Variants in SLC30A8 observed in about 807,000 individuals in gnomAD.
The protein encoded by SLC30A8 is solute carrier family 30 member 8.
In SLC30A8, 27 loss-of-function variants were observed where a neutral mutation model predicts 36.9. That is an observed-to-expected ratio of 0.73 (90% confidence interval 0.54 to 1.01). The LOEUF is 1.01. Among genes scored for constraint, SLC30A8 ranks in the 50% least tolerant of loss-of-function variants. SLC30A8 has a pLI of 0.00. For synonymous variants in SLC30A8, 164 were observed against 172.4 expected, an observed-to-expected ratio of 0.95 and a Z score of 0.38; for missense variants, 439 against 452.0, an observed-to-expected ratio of 0.97 and a Z score of 0.26.
intron 2 of SLC30A8, among the ~76,000 whole-genome samples, chr8:117,075,956 G>A (rs1212936170): frequency 6.6e-6 from 1 of 152,110 alleles, no homozygotes; most frequent in African/African-American, 2.4e-5. Context: ...ATGGGTTTGT[G>A]TCTCCGTGTA....
At chr8:117,024,224 T>C (rs915704936) in intron 1 of SLC30A8, among the ~76,000 whole-genome samples, 2 of 152,230 alleles carry the variant, frequency 1.3e-5, no homozygotes, top group African/African-American at 4.8e-5. Context: ...AAAAACAAAT[T>C]GTGTTTTCTA....
At position 116,967,491 on chromosome 8, in the gene SLC30A8, C is replaced by G. The variant is rs544956508; in HGVS notation, c.-266+16372C>G. 3.9e-5 allele frequency among the ~76,000 whole-genome samples: 6 copies of G among 152,272 alleles called. 1 individual carries two copies. The South Asian group carries it at 1.2e-3, about 32-fold the overall frequency. ...ACAAGAGTGTGATGCTGCCTGATTTCTATACTGATTATGCTACATTTTACC... is the reference window on the plus strand; with the variant it reads ...ACAAGAGTGTGATGCTGCCTGATTTGTATACTGATTATGCTACATTTTACC... On this transcript the variant is annotated intron_variant, in intron 1 of 10. Coordinates refer to the SLC30A8 transcript ENST00000427715.
chr8:117,151,338 C>CA, intron 2 of SLC30A8, among the ~76,000 whole-genome samples: 1 of 152,252 alleles, frequency 6.6e-6, no homozygotes, highest in South Asian at 2.1e-4. Flanking sequence ...ATCCCTGGTA[C>CA]CATGCACAGT....
intron 1 of SLC30A8, 75 bp from the exon 2 acceptor site, chr8:117,146,879 T>C: frequency 6.3e-7 from 1 of 1,592,254 alleles, no homozygotes; most frequent in South Asian, 1.1e-5. Context: ...CGGTTCCAAG[T>C]ATGGGCAGGG....
chr8:117,112,055 A>AGG (rs1820249978), intron 2 of SLC30A8, among the ~76,000 whole-genome samples: 3 of 152,258 alleles, frequency 2.0e-5, no homozygotes, highest in Non-Finnish European at 4.4e-5. Context: ...TCTGTAAAAA[A>AGG]GAGGATGACA....
At chr8:116,983,751 A>G (rs899203108) in intron 1 of SLC30A8, among the ~76,000 whole-genome samples, 2 of 152,016 alleles carry the variant, frequency 1.3e-5, no homozygotes, top group Non-Finnish European at 2.9e-5. Flanking sequence ...TCATTCACCT[A>G]GTTTGTTTTA....
chr8:117,166,742 A>AT (rs1053750097), intron 6 of SLC30A8, among the ~76,000 whole-genome samples: 112 of 150,224 alleles, frequency 7.5e-4, no homozygotes, highest in African/African-American at 2.6e-3. Context: ...CATCCAGATG[A>AT]TTGAAATATC....
chr8:117,017,535 A>G (rs1816558553), intron 1 of SLC30A8, among the ~76,000 whole-genome samples: 1 of 152,220 alleles, frequency 6.6e-6, no homozygotes, highest in Non-Finnish European at 1.5e-5. Context: ...ACCAGCCAAC[A>G]CCAAAGTCAA....
chr8:117,146,547 G>A (rs1010358594), intron 1 of SLC30A8, among the ~76,000 whole-genome samples: 1 of 152,130 alleles, frequency 6.6e-6, no homozygotes, highest in East Asian at 1.9e-4. Context: ...TGAATCCTCA[G>A]TCTGGCTCTT....
At chr8:117,063,530 T>C (rs1818080717) in intron 2 of SLC30A8, among the ~76,000 whole-genome samples, 1 of 152,228 alleles carries the variant, frequency 6.6e-6, no homozygotes, top group Non-Finnish European at 1.5e-5. Context: ...GCACTGACCA[T>C]TCTTTGATGC....
At chr8:117,136,702 C>T (rs1411807159) in intron 1 of SLC30A8, among the ~76,000 whole-genome samples, 4 of 151,850 alleles carry the variant, frequency 2.6e-5, no homozygotes, top group Admixed American at 2.0e-4. Context: ...AAGTTTTGGA[C>T]AAAAAATTGT....
At chr8:117,024,631 A>G (rs1244606290) in intron 1 of SLC30A8, among the ~76,000 whole-genome samples, 1 of 152,232 alleles carries the variant, frequency 6.6e-6, no homozygotes, top group Admixed American at 6.5e-5. Context: ...ACACAAAAGC[A>G]TATACCAATA....
chr8:117,063,788 G>A (rs182157891), intron 2 of SLC30A8, among the ~76,000 whole-genome samples: 1 of 152,234 alleles, frequency 6.6e-6, no homozygotes, highest in African/African-American at 2.4e-5. Flanking sequence ...ATGAGAGTAA[G>A]GGAAAATAGG....
intron 1 of SLC30A8, among the ~76,000 whole-genome samples, chr8:116,985,568 C>T (rs764426941): frequency 5.9e-5 from 9 of 152,066 alleles, no homozygotes; most frequent in Non-Finnish European, 1.2e-4. Context: ...AATTCTCAGA[C>T]ATGAAATTCT....
intron 6 of SLC30A8, among the ~76,000 whole-genome samples, chr8:117,165,444 C>T (rs1192096518): frequency 6.6e-6 from 1 of 152,178 alleles, no homozygotes; most frequent in Non-Finnish European, 1.5e-5. Flanking sequence ...TAGAACCAGT[C>T]AATCATAGAT....
chr8:116,955,819 G>C (rs1284308240), intron 1 of SLC30A8, among the ~76,000 whole-genome samples: 3 of 152,172 alleles, frequency 2.0e-5, no homozygotes, highest in Non-Finnish European at 4.4e-5. Context: ...GGGACAGACA[G>C]ATTCTCCCTC....
At position 117,176,282 on chromosome 8, in the gene SLC30A8, C is replaced by T. The variant is rs1823680507; in HGVS notation, c.*3601C>T. 6.6e-6 allele frequency: 1 copy of T among 152,490 alleles called. No homozygotes were observed. The highest frequency in any genetic ancestry group is 1.5e-5 in the Non-Finnish European group (1 of 67,984). 9.4% of individuals were successfully genotyped at this position (152,490 alleles called of 1,614,324 possible). ...ATTCCTGGAGAATGTTGCTCTCCAGCTCCATCCCCACCCAATGAAATATGA... is the reference window on the plus strand; with the variant it reads ...ATTCCTGGAGAATGTTGCTCTCCAGTTCCATCCCCACCCAATGAAATATGA... On this transcript the variant is annotated 3_prime_UTR_variant, in exon 8 of 8. Coordinates refer to ENST00000456015, the MANE Select transcript of SLC30A8 (RefSeq NM_173851.3).
chr8:117,150,445 T>TAAGTC (rs1387341740), intron 2 of SLC30A8, among the ~76,000 whole-genome samples: 2 of 152,260 alleles, frequency 1.3e-5, no homozygotes, highest in Admixed American at 6.5e-5. Context: ...CCACAGGCCT[T>TAAGTC]AAGTCAAGTC....
At chr8:116,952,850 T>TTTTATTTATTTA (rs10644777) in intron 1 of SLC30A8, among the ~76,000 whole-genome samples, 1,527 of 150,178 alleles carry the variant, frequency 0.01, 26 homozygotes, top group African/African-American at 0.034. Context: ...CAAAGAAGAA[T>TTTTATTTATTTA]TTTATTTATT....
Sources: gnomAD v4.1 joint callset for allele counts (sites outside exome capture counted in the v4.1 genomes callset) on GRCh38, gnomAD v4.1.1 for gene constraint, MANE v1.5 for transcripts, NCBI Gene and HGNC (gene_info 2026-07-23, HGNC 2026-07-21) for gene names.